The following DPP10 variants were observed in gnomAD, a reference collection of about 807,000 sequenced individuals.
DPP10 encodes the protein inactive dipeptidyl peptidase 10.
In DPP10, 33 loss-of-function variants were observed where a neutral mutation model predicts 120.9. That is an observed-to-expected ratio of 0.27 (90% CI 0.21 to 0.37). DPP10 has a LOEUF of 0.37. Ranked by LOEUF, DPP10 falls within the 10% of genes least tolerant of loss-of-function variation. DPP10 has a pLI of 1.00. For synonymous variants in DPP10, 337 were observed against 326.1 expected, an observed-to-expected ratio of 1.03 and a Z score of -0.36; for missense variants, 816 against 942.8, an observed-to-expected ratio of 0.87 and a Z score of 1.76.
intron 4 of DPP10, among the ~76,000 whole-genome samples, chr2:115,509,300 A>T (rs920543329): frequency 5.3e-5 from 8 of 152,164 alleles, no homozygotes; most frequent in African/African-American, 1.9e-4. Context: ...TAATAAGTAA[A>T]ATAAAAAGAA....
chr2:115,361,056 G>C (rs373255689), intron 3 of DPP10, among the ~76,000 whole-genome samples: 1 of 152,152 alleles, frequency 6.6e-6, no homozygotes, highest in African/African-American at 2.4e-5. Flanking sequence ...CCGATTGCTT[G>C]TCTGTTAGGT....
chr2:114,542,058 T>A (rs1220873506), intron 1 of DPP10, among the ~76,000 whole-genome samples: 1 of 146,908 alleles, frequency 6.8e-6, no homozygotes, highest in African/African-American at 2.5e-5. Context: ...CCTTTTTTTT[T>A]TTTTTTTGAG....
intron 1 of DPP10, among the ~76,000 whole-genome samples, chr2:115,116,277 C>A (rs2049500374): frequency 6.6e-6 from 1 of 152,090 alleles, no homozygotes; most frequent in Admixed American, 6.6e-5. Context: ...TCAGTGCCTT[C>A]TACATAACAA....
intron 5 of DPP10, among the ~76,000 whole-genome samples, chr2:115,675,493 G>A (rs1057338876): frequency 5.3e-5 from 8 of 152,124 alleles, no homozygotes; most frequent in Non-Finnish European, 1.2e-4. Flanking sequence ...ATTCAGCAAG[G>A]AAGTGATGAA....
At chr2:115,104,617 C>T (rs898238170) in intron 1 of DPP10, among the ~76,000 whole-genome samples, 1 of 152,144 alleles carries the variant, frequency 6.6e-6, no homozygotes, top group African/African-American at 2.4e-5. Context: ...TTGCCAATAA[C>T]TCAGTGAGAG....
At chr2:114,820,895 T>C (rs1686032514) in intron 1 of DPP10, among the ~76,000 whole-genome samples, 1 of 152,228 alleles carries the variant, frequency 6.6e-6, no homozygotes, top group South Asian at 2.1e-4. Context: ...CAAAATGATA[T>C]GTCTCCGATG....
chr2:115,247,798 A>C (rs2058597489), intron 1 of DPP10, among the ~76,000 whole-genome samples: 2 of 152,182 alleles, frequency 1.3e-5, no homozygotes, highest in Non-Finnish European at 2.9e-5. Context: ...TTTGAGAATA[A>C]AACACCCCGT....
At chr2:114,680,721 A>G (rs1031749663) in intron 1 of DPP10, among the ~76,000 whole-genome samples, 1 of 151,884 alleles carries the variant, frequency 6.6e-6, no homozygotes, top group Non-Finnish European at 1.5e-5. Context: ...AAATAAGTTC[A>G]CTCTTTTCAA....
At chr2:115,512,183 C>T (rs1434201079) in intron 4 of DPP10, among the ~76,000 whole-genome samples, 1 of 151,998 alleles carries the variant, frequency 6.6e-6, no homozygotes, top group Non-Finnish European at 1.5e-5. Flanking sequence ...TCACTGTAGC[C>T]CCAATCTCCC....
chr2:114,655,225 A>G (rs115430422), intron 1 of DPP10, among the ~76,000 whole-genome samples: 4 of 152,316 alleles, frequency 2.6e-5, no homozygotes, highest in Non-Finnish European at 5.9e-5. Context: ...GCCATTATTG[A>G]CTTTTGAAAC....
chr2:114,452,325 T>C (rs1352704180), intron 1 of DPP10, among the ~76,000 whole-genome samples: 1 of 152,206 alleles, frequency 6.6e-6, no homozygotes, highest in Admixed American at 6.5e-5. Context: ...TTAATAAAGA[T>C]ACCTTGTGTT....
At chr2:115,560,368 CTCAAA>C (rs2080495902) in intron 5 of DPP10, among the ~76,000 whole-genome samples, 1 of 23,508 alleles carries the variant, frequency 4.3e-5, no homozygotes, top group Non-Finnish European at 7.1e-5. Flanking sequence ...AAGACTCCTT[CTCAAA>C]AAAAAAAAAA....
At chr2:114,485,462 G>GT (rs199626722) in intron 1 of DPP10, among the ~76,000 whole-genome samples, 31,672 of 137,016 alleles carry the variant, frequency 0.23, 3,587 homozygotes, top group East Asian at 0.33. Context: ...AGGAAAAACT[G>GT]TTTTTTTTTT....
intron 1 of DPP10, among the ~76,000 whole-genome samples, chr2:114,915,086 C>G (rs1042334609): frequency 6.6e-6 from 1 of 151,688 alleles, no homozygotes; most frequent in African/African-American, 2.4e-5. Context: ...AGCCGAGATC[C>G]CGCCACTGCA....
intron 1 of DPP10, among the ~76,000 whole-genome samples, chr2:114,539,678 A>G (rs997788356): frequency 1.3e-5 from 2 of 152,162 alleles, no homozygotes; most frequent in Admixed American, 1.3e-4. Context: ...TTTGTTCTCC[A>G]TTATAGATTC....
chr2:115,622,142 T>C (rs906008483), intron 5 of DPP10, among the ~76,000 whole-genome samples: 2 of 152,204 alleles, frequency 1.3e-5, no homozygotes, highest in Admixed American at 6.5e-5. Flanking sequence ...CAAAAAACCT[T>C]GATCACATTA....
intron 3 of DPP10, among the ~76,000 whole-genome samples, chr2:115,430,671 C>T (rs2070891429): frequency 6.6e-6 from 1 of 152,088 alleles, no homozygotes; most frequent in African/African-American, 2.4e-5. Flanking sequence ...AATTGATAAT[C>T]TCAGGTTTTT....
intron 1 of DPP10, among the ~76,000 whole-genome samples, chr2:114,509,442 C>T (rs1365885667): frequency 6.6e-6 from 1 of 152,198 alleles, no homozygotes; most frequent in Admixed American, 6.5e-5. Flanking sequence ...TTCAGTTAGT[C>T]GAGAAATTAA....
intron 14 of DPP10, 65 bp from the exon 15 acceptor site, chr2:115,777,722 A>T: frequency 6.4e-7 from 1 of 1,553,304 alleles, no homozygotes; most frequent in East Asian, 2.3e-5. Flanking sequence ...ACAATGTGAC[A>T]AAATTCACAG....
Sources: allele counts gnomAD v4.1 joint callset (sites outside exome capture counted in the v4.1 genomes callset), GRCh38; gene constraint gnomAD v4.1.1; transcripts MANE v1.5; gene names NCBI Gene and HGNC (gene_info 2026-07-23, HGNC 2026-07-21).